Variants in SMAP2 observed in about 807,000 individuals in gnomAD.
SMAP2 encodes stromal membrane-associated protein 2.
A neutral mutation model predicts 56.4 loss-of-function variants in SMAP2; 25 were observed. That is an observed-to-expected ratio of 0.44 (90% CI 0.32 to 0.62). The LOEUF (loss-of-function observed/expected upper bound fraction) is 0.62. Among genes scored for constraint, SMAP2 ranks in the 20% least tolerant of loss-of-function variants. The pLI, the probability that SMAP2 is intolerant of heterozygous loss-of-function variation, is 0.04. For missense variants in SMAP2, 388 were observed against 545.6 expected, an observed-to-expected ratio of 0.71 and a Z score of 2.88; for synonymous variants, 157 against 181.7, an observed-to-expected ratio of 0.86 and a Z score of 1.09.
rs1045357455 is a variant in SMAP2 at position 40,386,881 on chromosome 1, G to T, written c.103+12658G>T. 5.5e-5 allele frequency among the ~76,000 whole-genome samples: 8 copies of T among 145,732 alleles called. No homozygotes were observed. The highest frequency in any genetic ancestry group is 1.0e-4 in the Non-Finnish European group (7 of 66,860). On this transcript the variant is annotated intron_variant, in intron 1 of 9. Transcript: ENST00000372718. The surrounding 1 kb of genome is among the most constrained non-coding windows in gnomAD (Gnocchi z 4.1). Reference sequence around the variant, plus strand: ...TTTTTTTTTTTTTTTTGGAGACAAGGTCTCTCGCTCCGTCGCCCAAGCTGG... The same window carrying T: ...TTTTTTTTTTTTTTTTGGAGACAAGTTCTCTCGCTCCGTCGCCCAAGCTGG...
At chr1:40,369,884 A>G (rs1324433584), upstream of SMAP2, among the ~76,000 whole-genome samples, 1 of 70,032 alleles carries the variant, frequency 1.4e-5, no homozygotes, top group African/African-American at 6.0e-5. Context: ...GAGCTTCTGC[A>G]CAGCAAAAGA....
intron 1 of SMAP2, among the ~76,000 whole-genome samples, chr1:40,352,874 T>TA (rs1408953607): frequency 6.6e-6 from 1 of 152,222 alleles, no homozygotes; most frequent in Non-Finnish European, 1.5e-5. Context: ...GCATGATGTG[T>TA]AATGATCTCG....
At chr1:40,351,560 G>T (rs952518010) in intron 1 of SMAP2, among the ~76,000 whole-genome samples, 2 of 151,980 alleles carry the variant, frequency 1.3e-5, no homozygotes, top group Non-Finnish European at 2.9e-5. Flanking sequence ...GCTGGAGTGC[G>T]ATGGCACGAT....
chr1:40,371,141 C>G (rs1483652690), upstream of SMAP2, among the ~76,000 whole-genome samples: 1 of 151,990 alleles, frequency 6.6e-6, no homozygotes, highest in Non-Finnish European at 1.5e-5. Flanking sequence ...CCACTGCACT[C>G]CAGCCTGGCG....
chr1:40,358,997 T>G (rs399790), intron 1 of SMAP2, among the ~76,000 whole-genome samples: 2,746 of 152,340 alleles, frequency 0.018, 96 homozygotes, highest in African/African-American at 0.063. Flanking sequence ...GTTTGTATCT[T>G]GAAATCTATT....
At chr1:40,396,235 A>G (rs1316423705) in intron 1 of SMAP2, among the ~76,000 whole-genome samples, 1 of 152,056 alleles carries the variant, frequency 6.6e-6, no homozygotes, top group Non-Finnish European at 1.5e-5. Flanking sequence ...GATTAATGGG[A>G]CTCCGTATAA....
intron 1 of SMAP2, among the ~76,000 whole-genome samples, chr1:40,360,004 C>CTTTTTTTTTTTTTTTTT (rs775408458): frequency 9.8e-6 from 1 of 102,484 alleles, no homozygotes; most frequent in Non-Finnish European, 1.8e-5. Context: ...CTTCTTCTTT[C>CTTTTTTTTTTTTTTTTT]TTTTTTTTTT....
Position 40,416,353 on chromosome 1 carries a change from G to A in SMAP2, c.847+12G>A. 2 of 1,610,364 alleles carry A rather than the reference G, an allele frequency of 1.2e-6. No individual in the cohort carries two copies. The highest frequency in any genetic ancestry group is 1.1e-5 in the South Asian group (1 of 90,648). ...AATGCCTACTCAAGGTAGATTTCAT[G>A]GGTGTCATGGCCATGTGCCAGGTAG... On this transcript the variant is annotated intron_variant, in intron 8 of 9. Transcript: ENST00000372718.
At chr1:40,349,807 C>G (rs1333885145) in intron 1 of SMAP2, among the ~76,000 whole-genome samples, 1 of 152,222 alleles carries the variant, frequency 6.6e-6, no homozygotes, top group Non-Finnish European at 1.5e-5. Flanking sequence ...GCGTGAGCCA[C>G]CATGCCCAGC....
At chr1:40,390,823 G>T (rs186359762) in intron 1 of SMAP2, among the ~76,000 whole-genome samples, 1 of 152,246 alleles carries the variant, frequency 6.6e-6, no homozygotes, top group African/African-American at 2.4e-5. Flanking sequence ...GCTTAGACTA[G>T]ATCATTCCTA....
chr1:40,398,680 G>A (rs907477477), intron 1 of SMAP2, among the ~76,000 whole-genome samples: 10 of 152,010 alleles, frequency 6.6e-5, no homozygotes, highest in Admixed American at 1.3e-4. Context: ...TAGTTCTTTT[G>A]TTTTTTTGAG....
At chr1:40,400,060 G>A (rs1644816774) in intron 1 of SMAP2, among the ~76,000 whole-genome samples, 1 of 152,218 alleles carries the variant, frequency 6.6e-6, no homozygotes, top group African/African-American at 2.4e-5. Context: ...ACTCCTTTGA[G>A]GAAGAAACAT....
upstream of SMAP2, among the ~76,000 whole-genome samples, chr1:40,372,776 A>G (rs1644505395): frequency 6.6e-6 from 1 of 152,214 alleles, no homozygotes; most frequent in Non-Finnish European, 1.5e-5. Flanking sequence ...TTTCCATGGC[A>G]GCCAGAGTGA....
intron 1 of SMAP2, among the ~76,000 whole-genome samples, chr1:40,390,010 C>T (rs1472007355): frequency 2.0e-5 from 3 of 151,704 alleles, no homozygotes; most frequent in East Asian, 1.9e-4. Flanking sequence ...ATCTTTGCCC[C>T]ACCCCCTTAT....
At chr1:40,362,626 T>C (rs1644464292) in intron 2 of SMAP2, among the ~76,000 whole-genome samples, 1 of 152,196 alleles carries the variant, frequency 6.6e-6, no homozygotes, top group South Asian at 2.1e-4. Flanking sequence ...TGATTTGTTT[T>C]TCCTCTCTGG....
chr1:40,419,285 T>A (rs866356770), intron 9 of SMAP2, among the ~76,000 whole-genome samples: 2,298 of 149,864 alleles, frequency 0.015, 68 homozygotes, highest in African/African-American at 0.054. Context: ...CCTTTCTTTT[T>A]TTTTTTTTTT....
intron 1 of SMAP2, among the ~76,000 whole-genome samples, chr1:40,391,700 G>A (rs1644718739): frequency 6.6e-6 from 1 of 152,196 alleles, no homozygotes; most frequent in African/African-American, 2.4e-5. Context: ...ATTGGACAAT[G>A]ACCATATCAC....
At chr1:40,406,657 T>C in intron 1 of SMAP2, 79 bp from the exon 2 acceptor site, 1 of 1,442,560 alleles carries the variant, frequency 6.9e-7, no homozygotes, top group Non-Finnish European at 9.5e-7. Flanking sequence ...CTAGCAGAAA[T>C]GTCTGATAAT....
At chr1:40,367,828 C>G (rs982764190) in intron 2 of SMAP2, among the ~76,000 whole-genome samples, 20 of 141,128 alleles carry the variant, frequency 1.4e-4, no homozygotes, top group African/African-American at 5.4e-4. Flanking sequence ...CAAAAGCTAG[C>G]AGAAGGCAAG....
Sources: allele counts gnomAD v4.1 joint callset (sites outside exome capture counted in the v4.1 genomes callset), GRCh38; gene constraint gnomAD v4.1.1; non-coding constraint Gnocchi (gnomAD v3.1); transcripts MANE v1.5; gene names NCBI Gene and HGNC (gene_info 2026-07-23, HGNC 2026-07-21).